The following PRSS23 variants were observed in gnomAD, a reference collection of about 807,000 sequenced individuals.
The protein encoded by PRSS23 is serine protease 23.
A neutral mutation model predicts 34.7 loss-of-function variants in PRSS23; 25 were observed. The ratio of observed to expected loss-of-function variants is 0.72; its 90% CI spans 0.53 to 1.01. The LOEUF is 1.01. PRSS23 is among the 50% of genes least tolerant of loss of function. The pLI, the probability that PRSS23 is intolerant of heterozygous loss-of-function variation, is 0.00. For missense variants in PRSS23, 445 were observed against 475.6 expected (o/e 0.94, Z 0.60); for synonymous variants, 176 against 186.6 (o/e 0.94, Z 0.46).
exon 3 of PRSS23, chr11:86,951,601 A>G (rs1464837675): frequency 1.9e-6 from 3 of 1,614,178 alleles, no homozygotes; most frequent in Non-Finnish European, 2.5e-6. Flanking sequence ...CGGTGAGGGC[A>G]TCGAGATTTT....
intron 2 of PRSS23, among the ~76,000 whole-genome samples, chr11:86,878,791 C>T (rs562897067): frequency 4.0e-5 from 6 of 151,312 alleles, no homozygotes; most frequent in Admixed American, 1.3e-4. Context: ...CGTCTCTGCC[C>T]GGCCACCATC....
intron 2 of PRSS23, among the ~76,000 whole-genome samples, chr11:86,903,382 C>T (rs1293497346): frequency 6.6e-6 from 1 of 152,154 alleles, no homozygotes; most frequent in Non-Finnish European, 1.5e-5. Context: ...GATGTATGGG[C>T]TGAGCCTCTG....
intron 2 of PRSS23, among the ~76,000 whole-genome samples, chr11:86,874,560 C>T (rs1948709925): frequency 6.6e-6 from 1 of 152,234 alleles, no homozygotes; most frequent in Non-Finnish European, 1.5e-5. Context: ...GTGGCCACTA[C>T]AGTACACCTT....
At chr11:86,831,652 A>G (rs567916657) in intron 2 of PRSS23, among the ~76,000 whole-genome samples, 1 of 151,218 alleles carries the variant, frequency 6.6e-6, no homozygotes, top group South Asian at 2.1e-4. Context: ...ATCATTCCTA[A>G]TATTCTAGGG....
chr11:86,879,873 C>T (rs1249087460), intron 2 of PRSS23, among the ~76,000 whole-genome samples: 11 of 133,312 alleles, frequency 8.3e-5, no homozygotes, highest in Admixed American at 2.3e-4. Context: ...AGGTGAGGGG[C>T]GCCTCTGCCC....
chr11:86,799,294 T>C (rs932540762), upstream of PRSS23, among the ~76,000 whole-genome samples: 2 of 152,168 alleles, frequency 1.3e-5, no homozygotes, highest in African/African-American at 2.4e-5. Context: ...CAGGGCTTTC[T>C]CATGTAAAAG....
upstream of PRSS23, among the ~76,000 whole-genome samples, chr11:86,797,758 T>C (rs1297789448): frequency 6.6e-6 from 1 of 152,212 alleles, no homozygotes; most frequent in Non-Finnish European, 1.5e-5. Context: ...ACCTAATATT[T>C]ATTAAGGGCT....
intron 2 of PRSS23, among the ~76,000 whole-genome samples, chr11:86,831,919 T>C (rs1948359706): frequency 6.6e-6 from 1 of 152,040 alleles, no homozygotes; most frequent in African/African-American, 2.4e-5. Flanking sequence ...CGGAATGATG[T>C]TACTCCTCAT....
rs61152157 is a variant in PRSS23, at chr11:86,835,186, C to T, written c.206+11593C>T. 8.9e-4 allele frequency among the ~76,000 whole-genome samples: 136 copies of T among 152,326 alleles called. 1 individual carries two copies. Among genetic ancestry groups the T allele is most frequent in the African/African-American group, 3.1e-3 (128 of 41,584 alleles). On this transcript the variant is annotated intron_variant, in intron 2 of 2. Transcript: ENST00000533902. ...ACAGTTGTCTGACAGCCACAAGTCT[C>T]CTTTAGCAGTGAGTATGCCTTTCAC...
chr11:86,902,355 C>G (rs1948917070), intron 2 of PRSS23, among the ~76,000 whole-genome samples: 1 of 152,184 alleles, frequency 6.6e-6, no homozygotes, highest in African/African-American at 2.4e-5. Context: ...TATCCTTGGA[C>G]TAGGCATTGG....
intron 1 of PRSS23, among the ~76,000 whole-genome samples, chr11:86,817,811 C>T (rs573666274): frequency 6.6e-6 from 1 of 152,298 alleles, no homozygotes; most frequent in African/African-American, 2.4e-5. Context: ...ATTCACTTCC[C>T]ACTACAAACC....
chr11:86,927,228 T>C (rs1383147224), intron 2 of PRSS23, among the ~76,000 whole-genome samples: 1 of 152,022 alleles, frequency 6.6e-6, no homozygotes, highest in Non-Finnish European at 1.5e-5. Flanking sequence ...TACCTCAAGG[T>C]TTCTATTATA....
At chr11:86,800,706 C>G (rs1260433724) in intron 1 of PRSS23, 55 bp downstream of exon 1, 21 of 934,646 alleles carry the variant, frequency 2.2e-5, no homozygotes, top group Non-Finnish European at 2.7e-5. Context: ...GGCGAGGCGC[C>G]GGGAGGAGCG....
chr11:86,934,643 T>C (rs1326196900), intron 2 of PRSS23: 1 of 152,272 alleles, frequency 6.6e-6, no homozygotes, highest in East Asian at 1.9e-4. Context: ...GAAAGAAGAC[T>C]CTGAGGTCCC....
At chr11:86,910,846 T>C (rs1380142266) in intron 2 of PRSS23, 1 of 152,064 alleles carries the variant, frequency 6.6e-6, no homozygotes, top group African/African-American at 2.4e-5. Context: ...TCTATTAGAG[T>C]GGGAGAAAGG....
chr11:86,917,709 G>A (rs141509833), intron 2 of PRSS23, among the ~76,000 whole-genome samples: 2 of 152,214 alleles, frequency 1.3e-5, no homozygotes, highest in Non-Finnish European at 2.9e-5. Context: ...GTGTCCCATA[G>A]TGACATAGAT....
In PRSS23 at chr11:86,943,949, C is replaced by T. The variant is rs1949223365; in HGVS notation, c.207-7267C>T. Among the ~76,000 whole-genome samples, 4 of 152,132 alleles carry T rather than the reference C, an allele frequency of 2.6e-5. 1 individual carries two copies. In the South Asian group the frequency reaches 8.3e-4, roughly 32 times the overall value. ...AGAGACGGGGTTTTACCATATTGGC[C>T]AGGCTGGTCTCAAACTCCTGACCTC... On this transcript the variant is annotated intron_variant, in intron 2 of 2. Transcript: ENST00000533902.
chr11:86,898,012 T>C (rs1428173781), intron 2 of PRSS23, among the ~76,000 whole-genome samples: 1 of 152,322 alleles, frequency 6.6e-6, no homozygotes, highest in African/African-American at 2.4e-5. Flanking sequence ...TGCTAGTAAG[T>C]GCTCTCATTT....
At chr11:86,913,590 A>G (rs150517128) in intron 2 of PRSS23, among the ~76,000 whole-genome samples, 3 of 151,712 alleles carry the variant, frequency 2.0e-5, no homozygotes, top group African/African-American at 7.3e-5. Context: ...GCAGCCACCC[A>G]GGGAAAAGGT....
Sources: allele counts gnomAD v4.1 joint callset (sites outside exome capture counted in the v4.1 genomes callset), GRCh38; gene constraint gnomAD v4.1.1; transcripts MANE v1.5; gene names NCBI Gene and HGNC (gene_info 2026-07-23, HGNC 2026-07-21).